DGKI: variants seen among roughly 807,000 people sequenced by gnomAD.
DGKI encodes the protein DAG kinase iota.
In DGKI, 55 loss-of-function variants were observed where a neutral mutation model predicts 147.5. That is an observed-to-expected ratio of 0.37 (90% CI 0.30 to 0.47). The LOEUF (loss-of-function observed/expected upper bound fraction) is 0.47, where lower values mean the gene tolerates loss of function less well. Among genes scored for constraint, DGKI ranks in the 20% least tolerant of loss-of-function variants. The pLI is 1.00. For missense variants in DGKI, 1,007 were observed against 1,323.8 expected (o/e 0.76, Z 3.71); for synonymous variants, 469 against 477.1 (o/e 0.98, Z 0.22).
chr7:137,429,412 T>G (rs1336788633), intron 28 of DGKI, among the ~76,000 whole-genome samples: 1 of 151,936 alleles, frequency 6.6e-6, no homozygotes, highest in Non-Finnish European at 1.5e-5. Context: ...TCAAGATGGA[T>G]TAAAGACTTA....
chr7:137,748,248 TA>T (rs1399702222), intron 1 of DGKI, among the ~76,000 whole-genome samples: 1 of 151,894 alleles, frequency 6.6e-6, no homozygotes, highest in Non-Finnish European at 1.5e-5. Context: ...TATTAAAATA[TA>T]AACAAAACAT....
chr7:137,619,582 G>A (rs1356892960), intron 8 of DGKI, among the ~76,000 whole-genome samples: 1 of 152,184 alleles, frequency 6.6e-6, no homozygotes, highest in East Asian at 1.9e-4. Flanking sequence ...ACATGAATGA[G>A]GAGGCAACAT....
chr7:137,435,104 TTC>T (rs1472136840), intron 28 of DGKI, among the ~76,000 whole-genome samples: 1 of 152,160 alleles, frequency 6.6e-6, no homozygotes, highest in African/African-American at 2.4e-5. Flanking sequence ...TAATGAAAGT[TTC>T]TGTTTGCCAA....
intron 1 of DGKI, among the ~76,000 whole-genome samples, chr7:137,716,507 G>A (rs1013968619): frequency 6.6e-6 from 1 of 152,166 alleles, no homozygotes; most frequent in Non-Finnish European, 1.5e-5. Context: ...TAAAGCCAGA[G>A]ATGCCAGTGA....
intron 29 of DGKI, among the ~76,000 whole-genome samples, chr7:137,409,941 G>A (rs1306703366): frequency 2.0e-5 from 3 of 151,766 alleles, no homozygotes; most frequent in South Asian, 2.1e-4. Flanking sequence ...ATATACACAT[G>A]TATCCCATTT....
chr7:137,674,357 T>C (rs1046433906), intron 3 of DGKI, among the ~76,000 whole-genome samples: 1 of 152,144 alleles, frequency 6.6e-6, no homozygotes, highest in Non-Finnish European at 1.5e-5. Flanking sequence ...TACCCTCCAA[T>C]ATCAGTCCCC....
At position 137,434,118 on chromosome 7, in the gene DGKI, CAA is replaced by C. The variant is rs60899883; in HGVS notation, c.2761+9957_2761+9958del. Reference sequence around the variant, plus strand: ...TGGGTGGCACAGTGAAACTCCATCTCAAAAAAAAAAAAAAAAGTAAACTAGGA... The same window carrying C: ...TGGGTGGCACAGTGAAACTCCATCTCAAAAAAAAAAAAAAGTAAACTAGGA... On this transcript the variant is annotated intron_variant, in intron 28 of 32. Transcript: ENST00000614521. 1.1e-3 allele frequency among the ~76,000 whole-genome samples: 142 copies of C among 129,104 alleles called. 1 individual carries two copies. Among genetic ancestry groups the C allele is most frequent in the Middle Eastern group, 3.9e-3 (1 of 256 alleles). 84.7% of individuals were successfully genotyped at this position (129,104 alleles called of 152,430 possible). A position where few individuals can be genotyped will look rare whatever the true frequency, so the allele number is the denominator to read the frequency against.
At chr7:137,479,160 G>A (rs936326451) in intron 23 of DGKI, among the ~76,000 whole-genome samples, 1 of 152,088 alleles carries the variant, frequency 6.6e-6, no homozygotes, top group African/African-American at 2.4e-5. Context: ...CATATAAATG[G>A]TGTGATTTAG....
intron 1 of DGKI, among the ~76,000 whole-genome samples, chr7:137,691,798 GTT>G (rs796902464): frequency 7.6e-4 from 73 of 95,812 alleles, no homozygotes; most frequent in South Asian, 1.1e-3. Flanking sequence ...AGACCTTTGG[GTT>G]TTTTTTTTTT....
intron 1 of DGKI, among the ~76,000 whole-genome samples, chr7:137,791,916 A>C (rs550240642): frequency 6.6e-6 from 1 of 152,248 alleles, no homozygotes; most frequent in Non-Finnish European, 1.5e-5. Context: ...AATACATTTC[A>C]GCCACATAAA....
At chr7:137,416,278 TG>T (rs1812357608) in intron 28 of DGKI, among the ~76,000 whole-genome samples, 1 of 152,172 alleles carries the variant, frequency 6.6e-6, no homozygotes, top group Non-Finnish European at 1.5e-5. Context: ...TAGGACAGTC[TG>T]GGTAAAACTC....
intron 28 of DGKI, among the ~76,000 whole-genome samples, chr7:137,432,435 C>T (rs1193649317): frequency 6.6e-6 from 1 of 152,182 alleles, no homozygotes; most frequent in Non-Finnish European, 1.5e-5. Context: ...GGCTGTCTGA[C>T]ATTGATGGTT....
intron 27 of DGKI, among the ~76,000 whole-genome samples, chr7:137,446,157 T>C (rs1024279573): frequency 1.3e-5 from 2 of 152,214 alleles, no homozygotes; most frequent in African/African-American, 4.8e-5. Flanking sequence ...GGAGAGCTTG[T>C]GAAGCAAGGT....
Position 137,645,493 on chromosome 7 carries a change from C to T in DGKI, c.783G>A (p.Gly261=), listed in dbSNP as rs777363541. Residue 261 remains glycine, a synonymous_variant, in exon 6 of 33, where the codon GGG becomes GGA. Coordinates refer to ENST00000614521, the MANE Select transcript of DGKI (RefSeq NM_001321708.2). The part of the protein sequence containing the change: ...HHWVHRRRQE[G]KCKQCGKGFQ... Reference sequence around the variant, plus strand: ...TTACCTTACCACACTGCTTACATTTCCCCTCCTGCCGACGCCTGTGCACCC... The same window carrying T: ...TTACCTTACCACACTGCTTACATTTTCCCTCCTGCCGACGCCTGTGCACCC... 10 of 1,613,650 alleles carry T rather than the reference C, an allele frequency of 6.2e-6. 1 individual carries two copies. The South Asian group carries it at 1.1e-4, about 18-fold the overall frequency.
chr7:137,615,116 T>C (rs1055856619), intron 8 of DGKI, among the ~76,000 whole-genome samples: 32 of 152,144 alleles, frequency 2.1e-4, no homozygotes, highest in African/African-American at 7.2e-4. Flanking sequence ...CTTGGATAGA[T>C]AGGCCACCTT....
intron 20 of DGKI, among the ~76,000 whole-genome samples, chr7:137,544,748 G>C (rs1447525028): frequency 6.6e-6 from 1 of 151,944 alleles, no homozygotes; most frequent in East Asian, 1.9e-4. Flanking sequence ...ATTAAAATCT[G>C]TGAACATGGC....
At chr7:137,679,200 C>T (rs542979718) in intron 2 of DGKI, among the ~76,000 whole-genome samples, 13 of 152,300 alleles carry the variant, frequency 8.5e-5, no homozygotes, top group African/African-American at 3.1e-4. Context: ...AAGCATAATA[C>T]GTTTCTGCTA....
chr7:137,415,147 A>T (rs1480499283), intron 28 of DGKI, among the ~76,000 whole-genome samples: 2 of 152,176 alleles, frequency 1.3e-5, no homozygotes, highest in Non-Finnish European at 2.9e-5. Context: ...TGTGGTGTTT[A>T]TCAAAAACCC....
At chr7:137,477,721 A>G (rs533975940) in intron 23 of DGKI, among the ~76,000 whole-genome samples, 1 of 152,162 alleles carries the variant, frequency 6.6e-6, no homozygotes, top group South Asian at 2.1e-4. Context: ...CAGTGGTGCA[A>G]TCTCAGCTCA....
Sources: allele counts gnomAD v4.1 joint callset (sites outside exome capture counted in the v4.1 genomes callset), GRCh38; gene constraint gnomAD v4.1.1; transcripts MANE v1.5; gene names NCBI Gene and HGNC (gene_info 2026-07-23, HGNC 2026-07-21).